The following TMEM132B variants were observed in gnomAD, a reference collection of about 807,000 sequenced individuals.
TMEM132B encodes the protein transmembrane protein 132B.
In TMEM132B, 18 loss-of-function variants were observed where a neutral mutation model predicts 90.8. The observed-to-expected ratio is 0.20, with a 90% CI of 0.14 to 0.29. TMEM132B has a LOEUF of 0.29. Among genes scored for constraint, TMEM132B ranks in the 10% least tolerant of loss-of-function variants. The pLI is 1.00. For synonymous variants in TMEM132B, 504 were observed against 523.3 expected (o/e 0.96, Z 0.50); for missense variants, 1,096 against 1,326.8 (o/e 0.83, Z 2.70).
Position 125,583,081 on chromosome 12 carries a change from G to T in TMEM132B, c.1294-770G>T, listed in dbSNP as rs188138575. Among the ~76,000 whole-genome samples, 27 of 152,330 alleles carry T rather than the reference G, an allele frequency of 1.8e-4. No individual in the cohort carries two copies. The East Asian group carries it at 5.0e-3, about 28-fold the overall frequency. On this transcript the variant is annotated intron_variant, in intron 4 of 8. Coordinates refer to ENST00000682704, the MANE Select transcript of TMEM132B (RefSeq NM_001366854.1). ...AACAAAAAGATAATTTTGTTGTAAAGAGAATGAACACAGGGAAACCAGTTG... is the reference window on the plus strand; with the variant it reads ...AACAAAAAGATAATTTTGTTGTAAATAGAATGAACACAGGGAAACCAGTTG...
intron 1 of TMEM132B, among the ~76,000 whole-genome samples, chr12:125,244,955 C>T (rs1354509448): frequency 6.6e-6 from 1 of 152,114 alleles, no homozygotes; most frequent in Non-Finnish European, 1.5e-5. Context: ...CCTCAGTTTC[C>T]CCATTTGTGC....
At chr12:125,502,837 A>C (rs1205774947) in intron 3 of TMEM132B, among the ~76,000 whole-genome samples, 3 of 152,090 alleles carry the variant, frequency 2.0e-5, no homozygotes, top group Admixed American at 6.5e-5. Flanking sequence ...TTGGAGACCC[A>C]GACAAAGAGT....
chr12:125,542,216 C>T (rs536416153), intron 4 of TMEM132B, among the ~76,000 whole-genome samples: 1 of 152,234 alleles, frequency 6.6e-6, no homozygotes, highest in South Asian at 2.1e-4. Context: ...AAACAGCTTG[C>T]GTCCATGTTG....
At chr12:125,321,984 C>T (rs1383060580) in intron 1 of TMEM132B, among the ~76,000 whole-genome samples, 2 of 152,192 alleles carry the variant, frequency 1.3e-5, no homozygotes, top group East Asian at 3.8e-4. Flanking sequence ...AAGGCACAAC[C>T]TACTGATAAA....
At chr12:125,390,997 AT>A (rs1420670307) in intron 2 of TMEM132B, among the ~76,000 whole-genome samples, 4 of 150,286 alleles carry the variant, frequency 2.7e-5, no homozygotes, top group East Asian at 2.0e-4. Context: ...CTAAAGAGTT[AT>A]TTTTTTTTCA....
In TMEM132B at chr12:125,557,691, A is replaced by T. The variant is rs115875883; in HGVS notation, c.1294-26160A>T. On this transcript the variant is annotated intron_variant, in intron 4 of 8. Transcript: ENST00000682704. ...CTCCTATTATGTCCAGGAACTAAGG[A>T]CATGGCAGAGATAAAAAAAAATAGG... Among the ~76,000 whole-genome samples the T allele has an allele frequency of 7.3e-3, 710 of 97,142 alleles. 6 individuals carry two copies. The highest frequency in any genetic ancestry group is 0.027 in the African/African-American group (675 of 25,020). The allele number at this position is 97,142 out of a possible 152,430, so 63.7% of individuals were successfully genotyped here.
At chr12:125,370,286 A>G (rs1265786045) in intron 2 of TMEM132B, among the ~76,000 whole-genome samples, 1 of 152,110 alleles carries the variant, frequency 6.6e-6, no homozygotes, top group African/African-American at 2.4e-5. Flanking sequence ...GGATTTTATG[A>G]TTATGTTGTT....
chr12:125,654,531 A>C lies in TMEM132B; in HGVS notation c.3073A>C (p.Lys1025Gln). 6.2e-7 allele frequency: 1 copy of C among 1,614,138 alleles called. No individual in the cohort carries two copies. The highest frequency in any genetic ancestry group is 8.5e-7 in the Non-Finnish European group (1 of 1,180,028). ...KNEPMNSSGP[K>Q]RKRVKFTSYT... The stretch of plus-strand genomic sequence containing the variant: ...TGAACCTATGAATTCTTCGGGCCCA[A>C]AGAGGAAGAGAGTCAAGTTCACTTC... The change falls in exon 9 of 9, where the codon AAG becomes CAG. Residue 1025 changes from lysine (K) to glutamine (Q), a missense_variant. Coordinates refer to ENST00000682704, the MANE Select transcript of TMEM132B (RefSeq NM_001366854.1). The surrounding 1 kb of genome is among the most constrained non-coding windows in gnomAD (Gnocchi z 5.8).
intron 8 of TMEM132B, 125 bp downstream of exon 8, chr12:125,652,757 C>T: frequency 2.6e-6 from 3 of 1,163,140 alleles, no homozygotes; most frequent in Non-Finnish European, 3.6e-6. Context: ...AAGCTTCTTG[C>T]TTCTTATCCA....
chr12:125,438,467 T>C (rs905269716), intron 3 of TMEM132B, among the ~76,000 whole-genome samples: 2 of 152,222 alleles, frequency 1.3e-5, no homozygotes, highest in East Asian at 3.8e-4. Context: ...TTTTCTCTTC[T>C]TTAAAGGGAC....
chr12:125,505,193 A>C (rs113172573), intron 3 of TMEM132B, among the ~76,000 whole-genome samples: 53 of 145,448 alleles, frequency 3.6e-4, no homozygotes, highest in African/African-American at 1.4e-3. Context: ...AAAAAAAAAA[A>C]AACAGTAAGT....
chr12:125,188,278 C>T (rs1957771344), intron 1 of TMEM132B, among the ~76,000 whole-genome samples: 1 of 152,178 alleles, frequency 6.6e-6, no homozygotes, highest in Admixed American at 6.5e-5. Context: ...GCTATGATAG[C>T]TGTTTTGCTT....
chr12:125,568,550 A>G (rs993308889), intron 4 of TMEM132B, among the ~76,000 whole-genome samples: 1 of 152,206 alleles, frequency 6.6e-6, no homozygotes, highest in African/African-American at 2.4e-5. Context: ...CTAACAGATC[A>G]TCACAGCCTC....
chr12:125,400,552 A>G (rs953339505), intron 2 of TMEM132B, among the ~76,000 whole-genome samples: 2 of 152,164 alleles, frequency 1.3e-5, no homozygotes, highest in Admixed American at 6.5e-5. Context: ...CACCTGCTCC[A>G]TGGTCATCTT....
chr12:125,243,616 A>ATAC (rs2136095270), intron 1 of TMEM132B, among the ~76,000 whole-genome samples: 1 of 152,254 alleles, frequency 6.6e-6, no homozygotes, highest in East Asian at 1.9e-4. Context: ...ACAAAAGTAT[A>ATAC]TTGGGTGATG....
rs146779635 is a variant in TMEM132B, at chr12:125,224,057, G to A, written c.67+37191G>A. Reference sequence around the variant, plus strand: ...CTCCCAAAGTGCTGGGATTACAGGCGTGAACCACCGTGCCCGGCCTAATGT... The same window carrying A: ...CTCCCAAAGTGCTGGGATTACAGGCATGAACCACCGTGCCCGGCCTAATGT... On this transcript the variant is annotated intron_variant, in intron 1 of 8. Transcript: ENST00000682704. Among the ~76,000 whole-genome samples the A allele has an allele frequency of 2.0e-3, 307 of 152,320 alleles. 1 individual carries two copies. Among genetic ancestry groups the A allele is most frequent in the African/African-American group, 6.9e-3 (286 of 41,580 alleles).
chr12:125,270,149 T>TGTG (rs1555235073), intron 1 of TMEM132B, among the ~76,000 whole-genome samples: 1 of 150,196 alleles, frequency 6.7e-6, no homozygotes, highest in African/African-American at 2.5e-5. Flanking sequence ...TGTGTGTGTG[T>TGTG]TTTAAGAGAC....
At chr12:125,334,047 C>T (rs1337584314) in intron 1 of TMEM132B, among the ~76,000 whole-genome samples, 1 of 152,000 alleles carries the variant, frequency 6.6e-6, no homozygotes, top group Non-Finnish European at 1.5e-5. Flanking sequence ...ATATAAAGCC[C>T]TTTTCCTTCC....
chr12:125,396,160 G>T lies in TMEM132B; in HGVS notation c.960-19371G>T, dbSNP rs186878732. Among the ~76,000 whole-genome samples the T allele has an allele frequency of 2.5e-4, 38 of 152,330 alleles. No homozygotes were observed. The East Asian group carries it at 6.8e-3, about 27-fold the overall frequency. ...CTCCTCAATGGGAAATACAAGCACT[G>T]TGTAGGAGTAGGGGCTGGATGCTGG... is the stretch of plus-strand genomic sequence containing the variant. On this transcript the variant is annotated intron_variant, in intron 2 of 8. Coordinates refer to ENST00000682704, the MANE Select transcript of TMEM132B (RefSeq NM_001366854.1).
Sources: allele counts gnomAD v4.1 joint callset (sites outside exome capture counted in the v4.1 genomes callset), GRCh38; gene constraint gnomAD v4.1.1; non-coding constraint Gnocchi (gnomAD v3.1); transcripts MANE v1.5; gene names NCBI Gene and HGNC (gene_info 2026-07-23, HGNC 2026-07-21).